PLCE1: variants seen among roughly 807,000 people sequenced by gnomAD.
PLCE1 encodes the protein 1-phosphatidylinositol 4,5-bisphosphate phosphodiesterase epsilon-1.
In PLCE1, 119 loss-of-function variants were observed where a neutral mutation model predicts 242.8. The ratio of observed to expected loss-of-function variants is 0.49; its 90% confidence interval spans 0.42 to 0.57. The LOEUF is 0.57. Ranked by LOEUF, PLCE1 falls within the 20% of genes least tolerant of loss-of-function variation. The pLI is 0.00. For synonymous variants in PLCE1, 945 were observed against 1,017.4 expected (o/e 0.93, Z 1.35); for missense variants, 2,441 against 2,788.8 (o/e 0.88, Z 2.81).
chr10:94,321,410 G>T (rs889575020), intron 29 of PLCE1, among the ~76,000 whole-genome samples: 1 of 152,166 alleles, frequency 6.6e-6, no homozygotes, highest in African/African-American at 2.4e-5. Context: ...GATGCAGGTG[G>T]ATCACAAGGT....
intron 2 of PLCE1, among the ~76,000 whole-genome samples, chr10:94,116,765 A>G (rs2046143821): frequency 6.6e-6 from 1 of 152,186 alleles, no homozygotes; most frequent in African/African-American, 2.4e-5. Context: ...AACCTGTTGG[A>G]TGAACTGATG....
chr10:94,030,587 T>G (rs2061538978), intron 1 of PLCE1, among the ~76,000 whole-genome samples, 96 bp from the exon 2 acceptor site: 1 of 152,132 alleles, frequency 6.6e-6, no homozygotes, highest in African/African-American at 2.4e-5. Context: ...AAAAAAACCT[T>G]TTTTCTCAAA....
chr10:94,301,845 C>A (rs1031260071), intron 24 of PLCE1, among the ~76,000 whole-genome samples: 1 of 151,870 alleles, frequency 6.6e-6, no homozygotes, highest in Non-Finnish European at 1.5e-5. Flanking sequence ...AAACATGCAA[C>A]CCTAGTCAAA....
chr10:94,160,550 T>G lies in PLCE1; in HGVS notation c.1493-10630T>G, dbSNP rs530923826. Among the ~76,000 whole-genome samples, 13 of 152,310 alleles carry G rather than the reference T, an allele frequency of 8.5e-5. No individual in the cohort carries two copies. In the Middle Eastern group the frequency reaches 0.02, roughly 239 times the overall value. ...TGTCAGATGAGTAGATTGCAAAAAT[T>G]TTCTCCCATTCTGCAGGTTGCCTGT... On this transcript the variant is annotated intron_variant, in intron 3 of 32. Transcript: ENST00000371380.
Position 94,170,245 on chromosome 10 carries a change from A to C in PLCE1, c.1493-935A>C, listed in dbSNP as rs192508663. ...ACATTTCCCCAACTCAGGTGACCAC[A>C]AAACTGTTTTTCTTGTAAATGCCAG... On this transcript the variant is annotated intron_variant, in intron 3 of 32. Transcript: ENST00000371380. Among the ~76,000 whole-genome samples the C allele has an allele frequency of 9.2e-5, 14 of 152,310 alleles. No individual in the cohort carries two copies. The East Asian group carries it at 2.5e-3, about 27-fold the overall frequency.
intron 2 of PLCE1, among the ~76,000 whole-genome samples, chr10:94,127,860 C>A (rs2046479156): frequency 6.6e-6 from 1 of 152,194 alleles, no homozygotes; most frequent in Non-Finnish European, 1.5e-5. Context: ...GGAATTCAAA[C>A]CAATGCTCCA....
intron 5 of PLCE1, 72 bp from the exon 6 acceptor site, chr10:94,233,982 G>T: frequency 7.5e-7 from 1 of 1,326,664 alleles, no homozygotes; most frequent in South Asian, 1.3e-5. Context: ...GAATTTGTAT[G>T]GAATTTAGGC....
intron 2 of PLCE1, among the ~76,000 whole-genome samples, chr10:94,035,893 A>G (rs962907150): frequency 6.6e-6 from 1 of 152,172 alleles, no homozygotes; most frequent in Non-Finnish European, 1.5e-5. Flanking sequence ...GTAATTACAT[A>G]TGTGTCCGTT....
At chr10:94,016,931 T>C (rs769687086) in intron 1 of PLCE1, among the ~76,000 whole-genome samples, 10 of 152,228 alleles carry the variant, frequency 6.6e-5, no homozygotes, top group Non-Finnish European at 1.0e-4. Flanking sequence ...AATGATGACG[T>C]AATGATATTA....
intron 30 of PLCE1, among the ~76,000 whole-genome samples, chr10:94,322,628 T>C (rs1309543883): frequency 6.6e-6 from 1 of 151,228 alleles, no homozygotes; most frequent in African/African-American, 2.4e-5. Context: ...CTACTAAAAA[T>C]ACAAAAATTA....
rs148328340 is a variant in PLCE1 at position 94,160,926 on chromosome 10, G to T, written c.1493-10254G>T. 4.6e-4 allele frequency among the ~76,000 whole-genome samples: 70 copies of T among 152,242 alleles called. 1 individual carries two copies. The East Asian group carries it at 0.01, about 22-fold the overall frequency. ...AAGATCAGATAGTTGTAGCTAAGCAGCATTATTTCTGAGGGCTCTGTTCTG... is the reference window on the plus strand; with the variant it reads ...AAGATCAGATAGTTGTAGCTAAGCATCATTATTTCTGAGGGCTCTGTTCTG... On this transcript the variant is annotated intron_variant, in intron 3 of 32. Transcript: ENST00000371380.
chr10:94,313,930 G>T (rs2053478229), intron 28 of PLCE1, among the ~76,000 whole-genome samples: 1 of 152,090 alleles, frequency 6.6e-6, no homozygotes, highest in Non-Finnish European at 1.5e-5. Context: ...CCCTCCCCTG[G>T]CACCTGACCT....
intron 7 of PLCE1, among the ~76,000 whole-genome samples, chr10:94,239,260 A>G (rs1268719759): frequency 6.6e-6 from 1 of 152,172 alleles, no homozygotes; most frequent in Non-Finnish European, 1.5e-5. Context: ...CCCACGTGTC[A>G]AGGGAGAGAC....
intron 2 of PLCE1, among the ~76,000 whole-genome samples, chr10:94,090,333 A>G (rs546082346): frequency 2.0e-4 from 31 of 152,330 alleles, no homozygotes; most frequent in African/African-American, 7.5e-4. Flanking sequence ...GAATTTCCAT[A>G]ATCCTTTTCA....
At chr10:94,185,868 A>T (rs1339032817) in intron 4 of PLCE1, among the ~76,000 whole-genome samples, 1 of 152,238 alleles carries the variant, frequency 6.6e-6, no homozygotes, top group Non-Finnish European at 1.5e-5. Context: ...TTTCACACTG[A>T]TGAAGTTTTG....
Position 94,166,579 on chromosome 10 carries a change from G to GGT in PLCE1, c.1493-4568_1493-4567dup, listed in dbSNP as rs56088035. 8.6e-3 allele frequency among the ~76,000 whole-genome samples: 1,260 copies of GGT among 145,946 alleles called. 15 individuals are homozygous for GGT. The highest frequency in any genetic ancestry group is 0.023 in the African/African-American group (899 of 39,112). On this transcript the variant is annotated intron_variant, in intron 3 of 32. Transcript: ENST00000371380. The stretch of plus-strand genomic sequence containing the variant: ...CATTCTCTACCCAGAAGAGAAAAAA[G>GGT]GTGTGTGTGTGTGTGTGTGTGTGTG...
At chr10:94,037,674 G>A (rs970028239) in intron 2 of PLCE1, among the ~76,000 whole-genome samples, 4 of 152,154 alleles carry the variant, frequency 2.6e-5, no homozygotes, top group African/African-American at 4.8e-5. Flanking sequence ...GTCATGTCTA[G>A]TGCCTCAGTG....
At chr10:94,314,540 G>A (rs1313703534) in intron 28 of PLCE1, among the ~76,000 whole-genome samples, 1 of 152,082 alleles carries the variant, frequency 6.6e-6, no homozygotes, top group African/African-American at 2.4e-5. Flanking sequence ...GTTGCAGTGA[G>A]CCAAGATAAC....
intron 3 of PLCE1, among the ~76,000 whole-genome samples, chr10:94,157,343 T>C (rs886428284): frequency 1.3e-5 from 2 of 152,132 alleles, no homozygotes; most frequent in African/African-American, 2.4e-5. Context: ...GTAGTAAACA[T>C]TACATGCTTT....
Sources: allele counts gnomAD v4.1 joint callset (sites outside exome capture counted in the v4.1 genomes callset), GRCh38; gene constraint gnomAD v4.1.1; transcripts MANE v1.5; gene names NCBI Gene and HGNC (gene_info 2026-07-23, HGNC 2026-07-21).